Variants in BIK observed in about 807,000 individuals in gnomAD.
The protein encoded by BIK is BCL2 interacting killer, also known as bcl-2-interacting killer.
In BIK, 14 loss-of-function variants were observed where a neutral mutation model predicts 12.1. The observed-to-expected ratio is 1.16, with a 90% CI of 0.77 to 1.81. The LOEUF (loss-of-function observed/expected upper bound fraction) is 1.81. BIK is among the 40% of genes most tolerant of loss of function. The probability of loss-of-function intolerance (pLI) is 0.00; values close to 1 mark genes in which losing one functional copy is unlikely to be tolerated. For synonymous variants in BIK, 86 were observed against 92.3 expected (o/e 0.93, Z 0.39); for missense variants, 215 against 207.9 (o/e 1.03, Z -0.21).
chr22:43,121,342 G>A (rs1414490106), intron 1 of BIK, among the ~76,000 whole-genome samples: 1 of 152,184 alleles, frequency 6.6e-6, no homozygotes, highest in African/African-American at 2.4e-5. Flanking sequence ...AGCTTGAAAG[G>A]GTCTTGCAGG....
chr22:43,122,522 C>T (rs771586066), intron 1 of BIK, among the ~76,000 whole-genome samples: 10 of 152,112 alleles, frequency 6.6e-5, no homozygotes, highest in African/African-American at 1.7e-4. Flanking sequence ...CATTAGATTT[C>T]CGTGCCACAG....
intron 1 of BIK, among the ~76,000 whole-genome samples, chr22:43,119,201 G>A (rs917320424): frequency 2.0e-5 from 3 of 151,916 alleles, no homozygotes; most frequent in Admixed American, 6.6e-5. Context: ...TGTGTAGGAG[G>A]CTAAGTGCGG....
chr22:43,124,238 C>A, intron 2 of BIK, 55 bp downstream of exon 2: 1 of 1,590,112 alleles, frequency 6.3e-7, no homozygotes, highest in Non-Finnish European at 8.6e-7. Context: ...CAGGGGTGGG[C>A]TGGATGAGCA....
At chr22:43,117,484 TC>T (rs963751893) in intron 1 of BIK, among the ~76,000 whole-genome samples, 43 of 151,842 alleles carry the variant, frequency 2.8e-4, no homozygotes, top group African/African-American at 1.0e-3. Context: ...TTCTCCTGCC[TC>T]AGCCTCCCGA....
At chr22:43,120,510 A>G (rs1441464299) in intron 1 of BIK, among the ~76,000 whole-genome samples, 1 of 152,218 alleles carries the variant, frequency 6.6e-6, no homozygotes, top group Non-Finnish European at 1.5e-5. Context: ...AGCCGAACAG[A>G]GCAGTGACAG....
At chr22:43,113,905 C>A (rs533213390) in intron 1 of BIK, among the ~76,000 whole-genome samples, 25 of 152,326 alleles carry the variant, frequency 1.6e-4, no homozygotes, top group African/African-American at 6.0e-4. Flanking sequence ...TGTTGGTGGT[C>A]ACCAGGAAGC....
chr22:43,114,043 T>G (rs569916696), intron 1 of BIK, among the ~76,000 whole-genome samples: 1 of 152,218 alleles, frequency 6.6e-6, no homozygotes, highest in South Asian at 2.1e-4. Flanking sequence ...GCCCCTAAGT[T>G]CCTTGTTGGC....
At chr22:43,114,744 C>T (rs1000312350) in intron 1 of BIK, among the ~76,000 whole-genome samples, 7 of 152,204 alleles carry the variant, frequency 4.6e-5, no homozygotes, top group African/African-American at 1.4e-4. Flanking sequence ...AATCCGAGCT[C>T]GGACCGTGAG....
intron 1 of BIK, among the ~76,000 whole-genome samples, chr22:43,112,342 C>T (rs556601063): frequency 2.2e-4 from 34 of 151,936 alleles, no homozygotes; most frequent in South Asian, 8.3e-4. Flanking sequence ...GGATTACAGG[C>T]GCCTACCACG....
chr22:43,112,571 CTTTT>C (rs747222777), intron 1 of BIK, among the ~76,000 whole-genome samples: 1 of 142,984 alleles, frequency 7.0e-6, no homozygotes, highest in Non-Finnish European at 1.5e-5. Context: ...ATGCCTGGCC[CTTTT>C]TTTTTTTTTA....
At chr22:43,127,618 A>C (rs1601733921) in intron 2 of BIK, 79 bp from the exon 3 acceptor site, 1 of 1,314,492 alleles carries the variant, frequency 7.6e-7, no homozygotes, top group Middle Eastern at 2.0e-4. Context: ...GCTGCACACA[A>C]TCCGTTGGCT....
In BIK at chr22:43,127,772, GCT is replaced by G. The variant is rs1930348029; in HGVS notation, c.241_242del (p.Ser81ArgfsTer17). The G allele has an allele frequency of 6.4e-7, 1 of 1,552,356 alleles. No individual in the cohort carries two copies. Among genetic ancestry groups the G allele is most frequent in the Non-Finnish European group, 8.7e-7 (1 of 1,147,918 alleles). ...VSLRAPRLAQ[L>X]SEVAMHSLGL... Reference sequence around the variant, plus strand: ...GCCTCAGGGCCCCGCGCCTGGCCCAGCTCTCCGAGGTGGCCATGCACAGGTAG... The same window carrying G: ...GCCTCAGGGCCCCGCGCCTGGCCCAGCTCCGAGGTGGCCATGCACAGGTAG... On this transcript the variant is annotated frameshift_variant, in exon 3 of 5. Coordinates refer to ENST00000216115, the MANE Select transcript of BIK (RefSeq NM_001197.5). LOFTEE classifies it high-confidence loss of function.
At chr22:43,116,453 G>T (rs1043564315) in intron 1 of BIK, among the ~76,000 whole-genome samples, 4 of 147,858 alleles carry the variant, frequency 2.7e-5, no homozygotes, top group African/African-American at 1.0e-4. Flanking sequence ...TAGGTTACAT[G>T]TATTAAATGC....
intron 2 of BIK, among the ~76,000 whole-genome samples, chr22:43,125,216 C>T (rs4988424): frequency 5.9e-5 from 9 of 152,136 alleles, no homozygotes; most frequent in Admixed American, 1.3e-4. Context: ...CTTTGGCTGG[C>T]GTCTTTGCCG....
At chr22:43,123,064 G>A (rs892323404) in intron 1 of BIK, among the ~76,000 whole-genome samples, 5 of 152,250 alleles carry the variant, frequency 3.3e-5, no homozygotes, top group African/African-American at 7.2e-5. Context: ...CAAGGAGCCA[G>A]GTGGAATGGA....
intron 3 of BIK, among the ~76,000 whole-genome samples, chr22:43,128,122 C>G (rs1930356840): frequency 6.6e-6 from 1 of 151,876 alleles, no homozygotes; most frequent in Non-Finnish European, 1.5e-5. Flanking sequence ...AGCTCGGATC[C>G]TAGATCCTGG....
chr22:43,122,157 G>A (rs1930232621), intron 1 of BIK, among the ~76,000 whole-genome samples: 1 of 152,224 alleles, frequency 6.6e-6, no homozygotes, highest in African/African-American at 2.4e-5. Flanking sequence ...GGGAGACTTG[G>A]AGCTCTGTCC....
chr22:43,123,974 C>T (rs781671999), intron 1 of BIK, 42 bp from the exon 2 acceptor site: 3 of 1,603,422 alleles, frequency 1.9e-6, no homozygotes, highest in Non-Finnish European at 1.7e-6. Flanking sequence ...CCAGACTGCT[C>T]AGTTCTTAGG....
intron 1 of BIK, among the ~76,000 whole-genome samples, chr22:43,116,704 G>A (rs1930120800): frequency 1.3e-5 from 2 of 152,246 alleles, no homozygotes; most frequent in African/African-American, 2.4e-5. Flanking sequence ...TGATCCGCCC[G>A]CCTCGGCCTC....
Sources: gnomAD v4.1 joint callset for allele counts (sites outside exome capture counted in the v4.1 genomes callset) on GRCh38, gnomAD v4.1.1 for gene constraint, MANE v1.5 for transcripts, NCBI Gene and HGNC (gene_info 2026-07-23, HGNC 2026-07-21) for gene names.